Variants in OPCML observed in about 807,000 individuals in gnomAD.
OPCML encodes opioid-binding protein/cell adhesion molecule.
A neutral mutation model predicts 37.8 loss-of-function variants in OPCML; 13 were observed. The observed-to-expected ratio is 0.34, with a 90% CI of 0.22 to 0.55. OPCML has a LOEUF of 0.55. OPCML is among the 20% of genes least tolerant of loss of function. OPCML has a pLI of 0.91. For missense variants in OPCML, 341 were observed against 435.6 expected (o/e 0.78, Z 1.93); for synonymous variants, 176 against 168.8 (o/e 1.04, Z -0.33).
At chr11:132,978,635 G>A (rs1480230948) in intron 1 of OPCML, among the ~76,000 whole-genome samples, 1 of 152,152 alleles carries the variant, frequency 6.6e-6, no homozygotes, top group African/African-American at 2.4e-5. Flanking sequence ...TTATAACCAA[G>A]GAAATATCCA....
At chr11:133,293,845 C>T (rs1942549562) in intron 1 of OPCML, among the ~76,000 whole-genome samples, 1 of 150,464 alleles carries the variant, frequency 6.6e-6, no homozygotes, top group African/African-American at 2.4e-5. Context: ...AGAGTCTGCT[C>T]TCTTTGAGCA....
chr11:133,386,040 C>T (rs772595334), intron 1 of OPCML, among the ~76,000 whole-genome samples: 10 of 152,154 alleles, frequency 6.6e-5, no homozygotes, highest in Non-Finnish European at 1.3e-4. Flanking sequence ...CACAAGAAAA[C>T]TCCCATTAGA....
intron 2 of OPCML, among the ~76,000 whole-genome samples, chr11:132,814,149 C>G (rs10894612): frequency 0.65 from 99,038 of 152,066 alleles, 32,754 homozygotes; most frequent in Middle Eastern, 0.71. Context: ...ATTCAAAATA[C>G]TGTTGAATTC....
chr11:133,190,802 A>T (rs1938274764), intron 1 of OPCML, among the ~76,000 whole-genome samples: 1 of 152,174 alleles, frequency 6.6e-6, no homozygotes, highest in Non-Finnish European at 1.5e-5. Context: ...ATGTTGTAAC[A>T]TGTATTAGTG....
At chr11:132,727,515 G>A (rs1944928792) in intron 2 of OPCML, among the ~76,000 whole-genome samples, 2 of 152,294 alleles carry the variant, frequency 1.3e-5, no homozygotes, top group South Asian at 4.1e-4. Flanking sequence ...ATAAACGGAA[G>A]CCCCAGCTGC....
At chr11:132,729,731 G>C (rs1413167690) in intron 2 of OPCML, among the ~76,000 whole-genome samples, 1 of 152,238 alleles carries the variant, frequency 6.6e-6, no homozygotes, top group Non-Finnish European at 1.5e-5. Flanking sequence ...CCTTCTGCAG[G>C]ACAGCCGTGG....
intron 4 of OPCML, among the ~76,000 whole-genome samples, chr11:132,482,652 A>G (rs185143127): frequency 0.06 from 9,130 of 152,294 alleles, 369 homozygotes; most frequent in Middle Eastern, 0.11. Context: ...CTTGATGAAC[A>G]TTGATGCAAA....
chr11:133,314,109 C>T (rs1244633556), intron 1 of OPCML, among the ~76,000 whole-genome samples: 1 of 149,518 alleles, frequency 6.7e-6, no homozygotes, highest in Non-Finnish European at 1.5e-5. Context: ...GTGGCGGGCG[C>T]CTGTAGTCCC....
chr11:132,787,802 T>C (rs1471505437), intron 2 of OPCML, among the ~76,000 whole-genome samples: 1 of 152,202 alleles, frequency 6.6e-6, no homozygotes, highest in African/African-American at 2.4e-5. Context: ...AAGTACCAAA[T>C]GTTTCTCTGT....
rs144949245 is a variant in OPCML at position 132,657,160 on chromosome 11, G to A, written c.306C>T (p.Asp102=). Residue 102 remains aspartate, a synonymous_variant, in exon 3 of 8, where the codon GAC becomes GAT. Coordinates refer to ENST00000524381, the MANE Select transcript of OPCML (RefSeq NM_001012393.5). ...GCACAGAGCAGGTGTACGGACCTTC[G>A]TCATACACATCCACATTTTGGATCA... is the stretch of plus-strand genomic sequence containing the variant. ...SIMIQNVDVY[D]EGPYTCSVQT... is the part of the protein sequence containing the mutation. 1.0e-4 allele frequency: 162 copies of A among 1,614,176 alleles called. No individual in the cohort carries two copies. The highest frequency in any genetic ancestry group is 3.3e-4 in the South Asian group (30 of 91,082).
chr11:133,190,639 C>A (rs1938265205), intron 1 of OPCML, among the ~76,000 whole-genome samples: 1 of 152,288 alleles, frequency 6.6e-6, no homozygotes, highest in Non-Finnish European at 1.5e-5. Flanking sequence ...CCAATCTCCC[C>A]ATCTCCCCAG....
intron 2 of OPCML, among the ~76,000 whole-genome samples, chr11:132,821,800 C>A (rs535905775): frequency 6.6e-6 from 1 of 152,306 alleles, no homozygotes; most frequent in South Asian, 2.1e-4. Flanking sequence ...TCACCCCTCC[C>A]CACTAAATGT....
chr11:132,786,659 G>T (rs1212555532), intron 2 of OPCML, among the ~76,000 whole-genome samples: 1 of 152,116 alleles, frequency 6.6e-6, no homozygotes, highest in African/African-American at 2.4e-5. Context: ...GATTTAGATT[G>T]CTATAGTTTG....
intron 1 of OPCML, among the ~76,000 whole-genome samples, chr11:133,169,044 C>A (rs774808250): frequency 1.3e-5 from 2 of 152,138 alleles, no homozygotes; most frequent in Non-Finnish European, 2.9e-5. Context: ...GCAGGATAAT[C>A]GCTTGAACCT....
At chr11:132,518,456 T>C (rs1378210813) in intron 4 of OPCML, among the ~76,000 whole-genome samples, 1 of 152,192 alleles carries the variant, frequency 6.6e-6, no homozygotes, top group African/African-American at 2.4e-5. Flanking sequence ...TCTCAGGCCA[T>C]TGTCTCACCT....
chr11:132,895,018 T>C (rs1005154440), intron 2 of OPCML, among the ~76,000 whole-genome samples: 2 of 152,228 alleles, frequency 1.3e-5, no homozygotes, highest in African/African-American at 2.4e-5. Context: ...TGAAGAACAC[T>C]GACTAGTGCA....
At chr11:132,959,089 A>C (rs1266525530) in intron 1 of OPCML, among the ~76,000 whole-genome samples, 2 of 152,242 alleles carry the variant, frequency 1.3e-5, no homozygotes, top group Admixed American at 1.3e-4. Context: ...CACCATGCTA[A>C]ATGCCATTAA....
intron 2 of OPCML, among the ~76,000 whole-genome samples, chr11:132,693,806 C>A (rs1239069238): frequency 6.6e-6 from 1 of 152,086 alleles, no homozygotes; most frequent in Non-Finnish European, 1.5e-5. Context: ...AATTGAAATT[C>A]CTTTCTCTTT....
At chr11:133,239,981 A>G (rs575522517) in intron 1 of OPCML, among the ~76,000 whole-genome samples, 100 of 152,242 alleles carry the variant, frequency 6.6e-4, no homozygotes, top group African/African-American at 2.2e-3. Context: ...AAACGAAGGT[A>G]TTTTGCCCTA....
Sources: allele counts gnomAD v4.1 joint callset (sites outside exome capture counted in the v4.1 genomes callset), GRCh38; gene constraint gnomAD v4.1.1; transcripts MANE v1.5; gene names NCBI Gene and HGNC (gene_info 2026-07-23, HGNC 2026-07-21).